The following INVS variants were observed in gnomAD, a reference collection of about 807,000 sequenced individuals.
The protein encoded by INVS is inversion of embryo turning homolog.
Under a neutral mutation model 108.8 loss-of-function variants are expected in INVS, and 86 were observed. The ratio of observed to expected loss-of-function variants is 0.79; its 90% CI spans 0.66 to 0.95. The LOEUF (loss-of-function observed/expected upper bound fraction) is 0.95, where lower values mean the gene tolerates loss of function less well. INVS is among the 40% of genes least tolerant of loss of function. The probability of loss-of-function intolerance (pLI) is 0.00; values close to 1 mark genes in which losing one functional copy is unlikely to be tolerated. For missense variants in INVS, 1,169 were observed against 1,297.4 expected (o/e 0.90, Z 1.52); for synonymous variants, 455 against 473.5 (o/e 0.96, Z 0.51).
At chr9:100,281,632 A>G (rs923035748) in intron 12 of INVS, among the ~76,000 whole-genome samples, 1 of 152,166 alleles carries the variant, frequency 6.6e-6, no homozygotes, top group African/African-American at 2.4e-5. Context: ...CAATTTAAAA[A>G]ACATTAATTA....
rs1311909472 is a variant in INVS, at chr9:100,229,947, C to A, written c.615+120C>A. The A allele has an allele frequency of 3.0e-5, 28 of 922,192 alleles. No homozygotes were observed. The East Asian group carries it at 7.3e-4, about 24-fold the overall frequency. 57.1% of individuals were successfully genotyped at this position (922,192 alleles called of 1,614,324 possible). ...CAAATTATTAAGCAAAAGAATACAA[C>A]AGACATATGGACTCATCCCCCAAGA... On this transcript the variant is annotated intron_variant, in intron 5 of 16. Transcript: ENST00000262457.
At position 100,229,787 on chromosome 9, in the gene INVS, A is replaced by T. The variant is rs763111653; in HGVS notation, c.575A>T (p.His192Leu). Residue 192 changes from histidine (H) to leucine (L), a missense_variant, in exon 5 of 17, where the codon CAT becomes CTT. By Grantham distance (99) the His-to-Leu change is moderately conservative. Transcript: ENST00000262457. Reference sequence around the variant, plus strand: ...ATCCCACTTCACTGGGCAGCCAACCATAAAGATCCAAGTGCTGTTCACACA... The same window carrying T: ...ATCCCACTTCACTGGGCAGCCAACCTTAAAGATCCAAGTGCTGTTCACACA... The part of the protein sequence containing the change: ...GKIPLHWAAN[H>L]KDPSAVHTVR... 1 of 1,614,186 alleles carries T rather than the reference A, an allele frequency of 6.2e-7. No individual in the cohort carries two copies. The highest frequency in any genetic ancestry group is 1.7e-5 in the Admixed American group (1 of 60,032).
intron 3 of INVS, among the ~76,000 whole-genome samples, chr9:100,145,376 A>C (rs1828568257): frequency 6.6e-6 from 1 of 151,754 alleles, no homozygotes; most frequent in Admixed American, 6.6e-5. Context: ...CGTGGAAATA[A>C]GGGATGGGGT....
chr9:100,257,361 A>T (rs1196433497), intron 10 of INVS, among the ~76,000 whole-genome samples: 1 of 152,112 alleles, frequency 6.6e-6, no homozygotes, highest in African/African-American at 2.4e-5. Flanking sequence ...GACTGTATCC[A>T]ATTTGCCAGT....
intron 10 of INVS, among the ~76,000 whole-genome samples, chr9:100,259,225 G>A (rs1832527521): frequency 6.6e-6 from 1 of 152,214 alleles, no homozygotes; most frequent in African/African-American, 2.4e-5. Context: ...TGAGCCAGGT[G>A]TGGGATATAA....
intron 1 of INVS, among the ~76,000 whole-genome samples, chr9:100,100,946 A>ATAATATATG (rs1564112354): frequency 3.2e-5 from 1 of 31,514 alleles, no homozygotes; most frequent in African/African-American, 1.6e-4. Flanking sequence ...TAATATATAT[A>ATAATATATG]CATATATATT....
At chr9:100,198,514 C>A (rs1026439212) in intron 3 of INVS, among the ~76,000 whole-genome samples, 11 of 151,306 alleles carry the variant, frequency 7.3e-5, no homozygotes, top group African/African-American at 2.7e-4. Flanking sequence ...TGGTCTCGAA[C>A]TCCTGACTTC....
intron 3 of INVS, among the ~76,000 whole-genome samples, chr9:100,200,309 C>T (rs1830499024): frequency 6.6e-6 from 1 of 151,962 alleles, no homozygotes; most frequent in South Asian, 2.1e-4. Context: ...GTTTTTTTCT[C>T]TTGAAATTGA....
rs184500806 is a variant in INVS at position 100,255,256 on chromosome 9, A to C, written c.1464+2120A>C. Reference sequence around the variant, plus strand: ...ATAGGAATGCTTGTGATTTTTGTACATTGATTTTGTATCCTGAGACTTTGC... The same window carrying C: ...ATAGGAATGCTTGTGATTTTTGTACCTTGATTTTGTATCCTGAGACTTTGC... On this transcript the variant is annotated intron_variant, in intron 10 of 16. Transcript: ENST00000262457. 5.9e-3 allele frequency among the ~76,000 whole-genome samples: 894 copies of C among 152,294 alleles called. 7 individuals are homozygous for C. The highest frequency in any genetic ancestry group is 0.019 in the South Asian group (91 of 4,822).
chr9:100,300,764 A>G lies in INVS; in HGVS notation c.*90A>G. On this transcript the variant is annotated 3_prime_UTR_variant, in exon 17 of 17. Coordinates refer to ENST00000262457, the MANE Select transcript of INVS (RefSeq NM_014425.5). ...GCTGATAATCTTTTACACCTTGGGA[A>G]AACTTTAATATCCGTACCTGAAGGC... 1 of 873,138 alleles carries G rather than the reference A, an allele frequency of 1.1e-6. No individual in the cohort carries two copies. Among genetic ancestry groups the G allele is most frequent in the Non-Finnish European group, 1.9e-6 (1 of 529,604 alleles). The allele number at this position is 873,138 out of a possible 1,614,324, so 54.1% of individuals were successfully genotyped here.
intron 13 of INVS, among the ~76,000 whole-genome samples, chr9:100,289,017 A>C (rs1047727898): frequency 6.6e-6 from 1 of 152,200 alleles, no homozygotes; most frequent in Non-Finnish European, 1.5e-5. Flanking sequence ...CTAACCCAGC[A>C]CATCCCGGGA....
At chr9:100,195,276 A>G (rs528539583) in intron 3 of INVS, among the ~76,000 whole-genome samples, 24 of 152,308 alleles carry the variant, frequency 1.6e-4, no homozygotes, top group African/African-American at 5.3e-4. Flanking sequence ...AATATTGTCA[A>G]ATGCCTTTTC....
chr9:100,204,243 C>G (rs1830614955), intron 3 of INVS, among the ~76,000 whole-genome samples: 1 of 152,028 alleles, frequency 6.6e-6, no homozygotes, highest in African/African-American at 2.4e-5. Context: ...GGACTAAAAC[C>G]CAGCTGTCCT....
chr9:100,273,147 C>A, intron 12 of INVS, 71 bp downstream of exon 12: 1 of 1,163,692 alleles, frequency 8.6e-7, no homozygotes, highest in East Asian at 2.3e-5. Flanking sequence ...GTGGGGGGTG[C>A]TGGGGTGGCC....
Position 100,298,001 on chromosome 9 carries a change from C to G in INVS, c.3082C>G (p.Leu1028Val). The G allele has an allele frequency of 6.2e-7, 1 of 1,614,148 alleles. No individual in the cohort carries two copies. Among genetic ancestry groups the G allele is most frequent in the Non-Finnish European group, 8.5e-7 (1 of 1,179,962 alleles). ...TGTAAAAGCCTCTTCTGTGCTGCGTCTCAACTCAGGTAAGGCAGCCACTGC... is the reference window on the plus strand; with the variant it reads ...TGTAAAAGCCTCTTCTGTGCTGCGTGTCAACTCAGGTAAGGCAGCCACTGC... Reference protein sequence around the residue: ...RSVKASSVLRLNSVSNLQCIH... With the variant: ...RSVKASSVLRVNSVSNLQCIH... The change falls in exon 16 of 17, where the codon CTC becomes GTC. Residue 1028 changes from leucine (L) to valine (V), a missense_variant. Leu to Val is a conservative substitution (Grantham distance 32). Coordinates refer to ENST00000262457, the MANE Select transcript of INVS (RefSeq NM_014425.5).
At chr9:100,115,309 TA>T (rs1827477566) in intron 2 of INVS, among the ~76,000 whole-genome samples, 1 of 151,158 alleles carries the variant, frequency 6.6e-6, no homozygotes, top group Non-Finnish European at 1.5e-5. Flanking sequence ...TTTATATATA[TA>T]TATTTTTATT....
At chr9:100,274,759 C>T (rs557765338) in intron 12 of INVS, among the ~76,000 whole-genome samples, 15 of 152,186 alleles carry the variant, frequency 9.9e-5, no homozygotes, top group African/African-American at 3.6e-4. Flanking sequence ...CCCACCTTGG[C>T]GTCCCAAAAT....
At chr9:100,104,042 CTG>C (rs1303150974) in intron 1 of INVS, among the ~76,000 whole-genome samples, 1 of 152,064 alleles carries the variant, frequency 6.6e-6, no homozygotes, top group African/African-American at 2.4e-5. Context: ...GCTTGTGTCA[CTG>C]TAACCCTGAG....
intron 3 of INVS, among the ~76,000 whole-genome samples, chr9:100,176,240 C>T (rs1411088365): frequency 6.6e-6 from 1 of 151,994 alleles, no homozygotes; most frequent in Non-Finnish European, 1.5e-5. Context: ...GGAGCCAAAT[C>T]AGAGAGTTTT....
Sources: gnomAD v4.1 joint callset for allele counts (sites outside exome capture counted in the v4.1 genomes callset) on GRCh38, gnomAD v4.1.1 for gene constraint, MANE v1.5 for transcripts, NCBI Gene and HGNC (gene_info 2026-07-23, HGNC 2026-07-21) for gene names.